ROBO4: variants seen among roughly 807,000 people sequenced by gnomAD.
The protein encoded by ROBO4 is roundabout homolog 4.
In ROBO4, 80 loss-of-function variants were observed where a neutral mutation model predicts 103.3. The observed-to-expected ratio is 0.77, with a 90% CI of 0.65 to 0.93. ROBO4 has a LOEUF of 0.93. Among genes scored for constraint, ROBO4 ranks in the 40% least tolerant of loss-of-function variants. The probability of loss-of-function intolerance (pLI) is 0.00; values close to 1 mark genes in which losing one functional copy is unlikely to be tolerated. For missense variants in ROBO4, 1,333 were observed against 1,305.3 expected (o/e 1.02, Z -0.33); for synonymous variants, 504 against 529.7 (o/e 0.95, Z 0.67).
Position 124,893,888 on chromosome 11 carries a change from C to CCGGCGGTGGATACACA in ROBO4, c.1460_1475dup (p.Arg493ValfsTer9), listed in dbSNP as rs1262506900. 6.2e-7 allele frequency: 1 copy of CCGGCGGTGGATACACA among 1,612,684 alleles called. No homozygotes were observed. The highest frequency in any genetic ancestry group is 8.5e-7 in the Non-Finnish European group (1 of 1,179,810). ...GGCCCAGGTGCACCCTAGCTCGGCG[C>CCGGCGGTGGATACACA]CGGCGGTGGATACACACGGCGGTGC... On this transcript the variant is annotated frameshift_variant, in exon 9 of 18. Coordinates refer to ENST00000306534, the MANE Select transcript of ROBO4 (RefSeq NM_019055.6). LOFTEE classifies it high-confidence loss of function.
At position 124,895,186 on chromosome 11, in the gene ROBO4, A is replaced by T; in HGVS notation, c.1044T>A (p.Ser348Arg). 3 of 1,613,074 alleles carry T rather than the reference A, an allele frequency of 1.9e-6. No individual in the cohort carries two copies. The highest frequency in any genetic ancestry group is 2.5e-6 in the Non-Finnish European group (3 of 1,179,070). The change falls in exon 7 of 18, where the codon AGT becomes AGA. Residue 348 changes from serine (S) to arginine (R), a missense_variant. By Grantham distance (110) the Ser-to-Arg change is moderately radical (BLOSUM62 -1). Transcript: ENST00000306534. The part of the protein sequence containing the change: ...LLLRLPEKVP[S>R]APPQEVTLKP... ...TTAGAGTCACTTCCTGAGGTGGGGC[A>T]CTGGGCACTGGAGGGGTGGAAGAGA...
At chr11:124,894,153 C>T (rs760837982) in intron 8 of ROBO4, 48 bp downstream of exon 8, 67 of 1,567,886 alleles carry the variant, frequency 4.3e-5, no homozygotes, top group Non-Finnish European at 5.5e-5. Context: ...GAGAGGAAGG[C>T]GGGATGCAGG....
At chr11:124,886,272 CATTAGG>C in intron 16 of ROBO4, 186 bp downstream of exon 16, 1 of 518,482 alleles carries the variant, frequency 1.9e-6, no homozygotes, top group South Asian at 3.4e-5. Flanking sequence ...ACAGTTTCCT[CATTAGG>C]ATAAGAGAGA....
intron 4 of ROBO4, 94 bp from the exon 5 acceptor site, chr11:124,896,006 A>G: frequency 6.4e-7 from 1 of 1,569,566 alleles, no homozygotes. Context: ...ACCCCAGGGA[A>G]CCCAAACTCC....
Position 124,884,758 on chromosome 11 carries a change from C to G in ROBO4, c.*133G>C. On this transcript the variant is annotated 3_prime_UTR_variant, in exon 18 of 18. Transcript: ENST00000306534. Reference sequence around the variant, plus strand: ...TTTTCACAATCGTGGAGGGAGAACTCTCTGGAGGCTTGGGAAGGTGGACCC... The same window carrying G: ...TTTTCACAATCGTGGAGGGAGAACTGTCTGGAGGCTTGGGAAGGTGGACCC... 9.9e-7 allele frequency: 1 copy of G among 1,007,788 alleles called. No homozygotes were observed. Among genetic ancestry groups the G allele is most frequent in the South Asian group, 1.3e-5 (1 of 74,586 alleles). The allele number at this position is 1,007,788 out of a possible 1,614,324, so 62.4% of individuals were successfully genotyped here.
In ROBO4 at chr11:124,887,465, G is replaced by C; in HGVS notation, c.2091C>G (p.Ala697=). ...AGGAGCTGAGGAGTTTCGGTCCCAGGGCCCGCCAGGCAACCAGAGCTTGGG... is the reference window on the plus strand; with the variant it reads ...AGGAGCTGAGGAGTTTCGGTCCCAGCGCCCGCCAGGCAACCAGAGCTTGGG... The part of the protein sequence containing the change: ...AVPQALVAWR[A]LGPKLLSSSN... The change falls in exon 14 of 18, where the codon GCC becomes GCG. Residue 697 remains alanine (A), a synonymous_variant. Coordinates refer to ENST00000306534, the MANE Select transcript of ROBO4 (RefSeq NM_019055.6). The C allele has an allele frequency of 6.2e-7, 1 of 1,613,950 alleles. No homozygotes were observed. The highest frequency in any genetic ancestry group is 8.5e-7 in the Non-Finnish European group (1 of 1,179,978).
chr11:124,895,920 G>A lies in ROBO4; in HGVS notation c.680-8C>T. On this transcript the variant is annotated splice_region_variant and splice_polypyrimidine_tract_variant and intron_variant, in intron 4 of 17. Transcript: ENST00000306534. ...CCGTGTAGTCCTGGGGCTCTGTGGGGAGGATAGGGCTGGGCTGGGGCTTAT... is the reference window on the plus strand; with the variant it reads ...CCGTGTAGTCCTGGGGCTCTGTGGGAAGGATAGGGCTGGGCTGGGGCTTAT... 1 of 1,613,414 alleles carries A rather than the reference G, an allele frequency of 6.2e-7. No individual in the cohort carries two copies. The highest frequency in any genetic ancestry group is 8.5e-7 in the Non-Finnish European group (1 of 1,180,016).
Position 124,886,592 on chromosome 11 carries a change from C to T in ROBO4, c.2666G>A (p.Arg889Lys). The T allele has an allele frequency of 2.5e-6, 4 of 1,614,200 alleles. No individual in the cohort carries two copies. The highest frequency in any genetic ancestry group is 3.4e-6 in the Non-Finnish European group (4 of 1,180,032). ...SASEDNAASA[R>K]ASLVSSSDGS... The stretch of plus-strand genomic sequence containing the variant: ...ATCGGAGGAGCTGACAAGGCTGGCT[C>T]TGGCGCTGGCGGCATTGTCCTCAGA... The change falls in exon 16 of 18, where the codon AGA (arginine) becomes AAA (lysine). Residue 889 changes from arginine (R) to lysine (K), a missense_variant. Arg to Lys is a conservative substitution (Grantham distance 26, BLOSUM62 2). Coordinates refer to ENST00000306534, the MANE Select transcript of ROBO4 (RefSeq NM_019055.6).
chr11:124,897,749 G>A lies in ROBO4; in HGVS notation c.47C>T (p.Pro16Leu). ...ACCCATGATGAGCAGGAGCAGCAGAGGCAGGGAACCCCTGCCCCCCAGGAG... is the reference window on the plus strand; with the variant it reads ...ACCCATGATGAGCAGGAGCAGCAGAAGCAGGGAACCCCTGCCCCCCAGGAG... ...DSLLGGRGSL[P>L]LLLLLIMGGM... The change falls in exon 1 of 18, where the codon CCT (proline) becomes CTT (leucine). Residue 16 changes from proline (P) to leucine (L), a missense_variant. By Grantham distance (98) the Pro-to-Leu change is moderately conservative (BLOSUM62 -3). Transcript: ENST00000306534. The A allele has an allele frequency of 6.2e-6, 10 of 1,614,060 alleles. No homozygotes were observed. The highest frequency in any genetic ancestry group is 8.5e-6 in the Non-Finnish European group (10 of 1,179,952).
In ROBO4 at chr11:124,887,476, C is replaced by T. The variant is rs776188598; in HGVS notation, c.2080G>A (p.Ala694Thr). The T allele has an allele frequency of 6.8e-6, 11 of 1,613,870 alleles. No homozygotes were observed. Among genetic ancestry groups the T allele is most frequent in the Non-Finnish European group, 9.3e-6 (11 of 1,179,956 alleles). Residue 694 changes from alanine to threonine, a missense_variant, in exon 14 of 18, where the codon GCC becomes ACC. By Grantham distance (58) the Ala-to-Thr change is moderately conservative. Coordinates refer to ENST00000306534, the MANE Select transcript of ROBO4 (RefSeq NM_019055.6). ...AGTTTCGGTCCCAGGGCCCGCCAGG[C>T]AACCAGAGCTTGGGGCACAGCTCCT... ...SPGAVPQALV[A>T]WRALGPKLLS...
At position 124,895,918 on chromosome 11, in the gene ROBO4, G is replaced by C; in HGVS notation, c.680-6C>G. 1 of 1,613,386 alleles carries C rather than the reference G, an allele frequency of 6.2e-7. No individual in the cohort carries two copies. The highest frequency in any genetic ancestry group is 1.8e-4 in the Middle Eastern group (1 of 5,682). On this transcript the variant is annotated splice_region_variant and splice_polypyrimidine_tract_variant and intron_variant, in intron 4 of 17. Coordinates refer to ENST00000306534, the MANE Select transcript of ROBO4 (RefSeq NM_019055.6). ...CTCCGTGTAGTCCTGGGGCTCTGTG[G>C]GGAGGATAGGGCTGGGCTGGGGCTT...
At chr11:124,887,313 AC>A in intron 14 of ROBO4, 44 bp downstream of exon 14, 1 of 1,611,506 alleles carries the variant, frequency 6.2e-7, no homozygotes, top group Middle Eastern at 1.7e-4. Context: ...CACTCCCCAC[AC>A]CCCCACTCTC....
intron 12 of ROBO4, among the ~76,000 whole-genome samples, chr11:124,890,162 G>C (rs1315425476): frequency 6.6e-6 from 1 of 152,084 alleles, no homozygotes; most frequent in Admixed American, 6.5e-5. Flanking sequence ...TTTTTTAGCT[G>C]GTGTTTCGTT....
At chr11:124,886,160 GCAAA>G (rs1423062352) in intron 16 of ROBO4, among the ~76,000 whole-genome samples, 6 of 152,162 alleles carry the variant, frequency 3.9e-5, no homozygotes, top group Admixed American at 2.0e-4. Flanking sequence ...CACTGCCTGG[GCAAA>G]CAAACAAAAC....
At chr11:124,887,284 C>G (rs1376128530) in intron 14 of ROBO4, 71 bp from the exon 15 acceptor site, 1 of 1,605,438 alleles carries the variant, frequency 6.2e-7, no homozygotes, top group East Asian at 2.2e-5. Flanking sequence ...CCTTCCCCAG[C>G]CTGTCCAATC....
At chr11:124,895,329 G>A in intron 6 of ROBO4, 128 bp downstream of exon 6, 9 of 1,167,044 alleles carry the variant, frequency 7.7e-6, no homozygotes, top group Non-Finnish European at 1.1e-5. Context: ...GCCTGGCCAG[G>A]GCAGAAGGGA....
chr11:124,885,113 G>T lies in ROBO4; in HGVS notation c.2929C>A (p.Pro977Thr), dbSNP rs1337771971. 2 of 1,614,100 alleles carry T rather than the reference G, an allele frequency of 1.2e-6. No homozygotes were observed. Among genetic ancestry groups the T allele is most frequent in the Non-Finnish European group, 1.7e-6 (2 of 1,180,032 alleles). Residue 977 changes from proline to threonine, a missense_variant, in exon 17 of 18, where the codon CCT becomes ACT. Pro to Thr is a conservative substitution (Grantham distance 38). Coordinates refer to ENST00000306534, the MANE Select transcript of ROBO4 (RefSeq NM_019055.6). ...SHTQRLGRGM[P>T]PWPPDSQISS... ...ATCTGAGAGTCAGGGGGCCAGGGAG[G>T]CATCCCCCTTCCCAGCCGCTGGGTG...
rs765281274 is a variant in ROBO4 at position 124,893,884 on chromosome 11, GGC to G, written c.1478_1479del (p.Arg493ProfsTer3). Reference sequence around the variant, plus strand: ...CCTGGGCCCAGGTGCACCCTAGCTCGGCGCCGGCGGTGGATACACACGGCGGT... The same window carrying G: ...CCTGGGCCCAGGTGCACCCTAGCTCGGCCGGCGGTGGATACACACGGCGGT... ...LGTAVCIHRR[R>X]RARVHLGPGL... is the part of the protein sequence containing the mutation. On this transcript the variant is annotated frameshift_variant, in exon 9 of 18. Transcript: ENST00000306534. LOFTEE classifies it high-confidence loss of function. 1 of 1,612,774 alleles carries G rather than the reference GGC, an allele frequency of 6.2e-7. No homozygotes were observed. The highest frequency in any genetic ancestry group is 2.2e-5 in the East Asian group (1 of 44,844).
Position 124,884,681 on chromosome 11 carries a change from T to A in ROBO4, c.*210A>T. The A allele has an allele frequency of 1.6e-6, 1 of 617,840 alleles. No homozygotes were observed. 38.3% of individuals were successfully genotyped at this position (617,840 alleles called of 1,614,324 possible). On this transcript the variant is annotated 3_prime_UTR_variant, in exon 18 of 18. Transcript: ENST00000306534. Reference sequence around the variant, plus strand: ...GCTAGGAGTCAGGTGGAGATGATGTTTTGCTCCCTGAGGGCTCCAGGTCAG... The same window carrying A: ...GCTAGGAGTCAGGTGGAGATGATGTATTGCTCCCTGAGGGCTCCAGGTCAG...
Sources: gnomAD v4.1 joint callset for allele counts (sites outside exome capture counted in the v4.1 genomes callset) on GRCh38, gnomAD v4.1.1 for gene constraint, MANE v1.5 for transcripts, NCBI Gene and HGNC (gene_info 2026-07-23, HGNC 2026-07-21) for gene names.